Variants in ABCB11 observed in about 807,000 individuals in gnomAD.
The protein encoded by ABCB11 is ATP binding cassette subfamily B member 11.
A neutral mutation model predicts 148.0 loss-of-function variants in ABCB11; 95 were observed. The observed-to-expected ratio is 0.64, with a 90% CI of 0.54 to 0.76. ABCB11 has a LOEUF of 0.76. ABCB11 is among the 30% of genes least tolerant of loss of function. ABCB11 has a pLI of 0.00. For missense variants in ABCB11, 1,523 were observed against 1,617.8 expected (o/e 0.94, Z 1.01); for synonymous variants, 591 against 555.4 (o/e 1.06, Z -0.90).
At chr2:168,992,803 G>C (rs11887272) in intron 8 of ABCB11, among the ~76,000 whole-genome samples, 5,167 of 152,076 alleles carry the variant, frequency 0.034, 283 homozygotes, top group African/African-American at 0.11. Flanking sequence ...TTTTATCTGG[G>C]AAATGTTTGA....
chr2:169,009,437 A>G (rs993607522), intron 5 of ABCB11, among the ~76,000 whole-genome samples: 1 of 151,984 alleles, frequency 6.6e-6, no homozygotes, highest in Non-Finnish European at 1.5e-5. Context: ...AGGGACATGG[A>G]TGAAACTGGA....
chr2:168,930,838 A>C lies in ABCB11; in HGVS notation c.3238T>G (p.Phe1080Val). ...GGATATGTAAATTTACAATCAACAA[A>C]ATCAATCTTCCCCTGGAAGTTGTCC... is the stretch of plus-strand genomic sequence containing the variant. ...KWDNFQGKIDFVDCKFTYPSR... is the reference protein window; with the variant it reads ...KWDNFQGKIDVVDCKFTYPSR... The change falls in exon 25 of 28, where the codon TTT becomes GTT. Residue 1080 changes from phenylalanine to valine, a missense_variant. By Grantham distance (50) the Phe-to-Val change is conservative. Transcript: ENST00000650372. 1.9e-6 allele frequency: 3 copies of C among 1,605,632 alleles called. No individual in the cohort carries two copies. The highest frequency in any genetic ancestry group is 2.6e-6 in the Non-Finnish European group (3 of 1,176,072).
At chr2:168,949,039 G>A (rs1223598787) in intron 19 of ABCB11, among the ~76,000 whole-genome samples, 2 of 151,592 alleles carry the variant, frequency 1.3e-5, no homozygotes, top group East Asian at 3.9e-4. Context: ...AAATTCTATA[G>A]ACTAGGATTC....
Position 168,993,855 on chromosome 2 carries a change from T to C in ABCB11, c.639A>G (p.Ile213Met). The change falls in exon 8 of 28, where the codon ATA (isoleucine) becomes ATG (methionine). Residue 213 changes from isoleucine to methionine, a missense_variant. Coordinates refer to ENST00000650372, the MANE Select transcript of ABCB11 (RefSeq NM_003742.4). ...GAATGAAAAGGGCCATTTGGTCAGC[T>C]ATGGCATCATTGATTTTATTAATAT... The part of the protein sequence containing the change: ...SDDINKINDA[I>M]ADQMALFIQR... 6.2e-7 allele frequency: 1 copy of C among 1,609,620 alleles called. No individual in the cohort carries two copies. Among genetic ancestry groups the C allele is most frequent in the Non-Finnish European group, 8.5e-7 (1 of 1,177,982 alleles).
intron 18 of ABCB11, among the ~76,000 whole-genome samples, chr2:168,962,764 A>G (rs1693132367): frequency 1.3e-5 from 2 of 151,724 alleles, no homozygotes; most frequent in Admixed American, 1.3e-4. Flanking sequence ...CTGGGACAGC[A>G]CCATGGACTC....
rs545291096 is a variant in ABCB11 at position 168,955,500 on chromosome 2, C to T, written c.2343+2464G>A. Among the ~76,000 whole-genome samples, 40 of 151,696 alleles carry T rather than the reference C, an allele frequency of 2.6e-4. No individual in the cohort carries two copies. In the South Asian group the frequency reaches 7.5e-3, roughly 28 times the overall value. On this transcript the variant is annotated intron_variant, in intron 19 of 27. Transcript: ENST00000650372. Reference sequence around the variant, plus strand: ...ATCAGATTTTGTGAGAACTTACTCACTATTATGAGAACAGCAAGGGGGAAA... The same window carrying T: ...ATCAGATTTTGTGAGAACTTACTCATTATTATGAGAACAGCAAGGGGGAAA...
chr2:169,006,765 G>C (rs1235229311), intron 5 of ABCB11, among the ~76,000 whole-genome samples: 1 of 151,782 alleles, frequency 6.6e-6, no homozygotes, highest in Non-Finnish European at 1.5e-5. Context: ...AGTAGCAATG[G>C]GCAAACTGAA....
chr2:169,012,949 A>G (rs1485346588), intron 5 of ABCB11, among the ~76,000 whole-genome samples: 1 of 152,064 alleles, frequency 6.6e-6, no homozygotes, highest in African/African-American at 2.4e-5. Context: ...ATGATACTCA[A>G]GTAAAATTCA....
chr2:169,005,332 C>T (rs534238768), intron 5 of ABCB11, among the ~76,000 whole-genome samples: 15 of 152,074 alleles, frequency 9.9e-5, no homozygotes, highest in African/African-American at 3.1e-4. Context: ...CAGGGATAGG[C>T]GCCTCTGAGC....
chr2:169,013,719 T>C (rs958359609), intron 4 of ABCB11, among the ~76,000 whole-genome samples: 4 of 152,166 alleles, frequency 2.6e-5, no homozygotes, highest in Admixed American at 2.0e-4. Context: ...GACTCTTACA[T>C]TGTTAGATCA....
At chr2:168,953,452 C>CTTTTTTTTTTTTTTT (rs35351007) in intron 19 of ABCB11, among the ~76,000 whole-genome samples, 2 of 142,666 alleles carry the variant, frequency 1.4e-5, no homozygotes, top group African/African-American at 2.6e-5. Context: ...ATTATCTTGT[C>CTTTTTTTTTTTTTTT]TTTTTTTTTT....
At chr2:168,919,630 T>TAA (rs1464965849), downstream of ABCB11, among the ~76,000 whole-genome samples, 2 of 151,060 alleles carry the variant, frequency 1.3e-5, no homozygotes, top group African/African-American at 2.4e-5. Flanking sequence ...CCTTATTTTT[T>TAA]AAAAAAAAAG....
intron 9 of ABCB11, among the ~76,000 whole-genome samples, chr2:168,987,163 T>A (rs753494144): frequency 6.6e-6 from 1 of 152,004 alleles, no homozygotes; most frequent in Non-Finnish European, 1.5e-5. Context: ...AGGTTGTAAA[T>A]CCTATTCTCT....
Position 168,934,777 on chromosome 2 carries a change from T to C in ABCB11, c.3056+407A>G, listed in dbSNP as rs117779395. ...TTACTCCTCTCATCAAAAAGTGGAT[T>C]CTATTTTTTTCTATTCCTTAAACCT... On this transcript the variant is annotated intron_variant, in intron 23 of 27. Coordinates refer to ENST00000650372, the MANE Select transcript of ABCB11 (RefSeq NM_003742.4). Among the ~76,000 whole-genome samples, 668 of 152,332 alleles carry C rather than the reference T, an allele frequency of 4.4e-3. 8 individuals carry two copies. Among genetic ancestry groups the C allele is most frequent in the East Asian group, 0.015 (76 of 5,184 alleles).
intron 2 of ABCB11, 96 bp from the exon 3 acceptor site, chr2:169,016,895 T>C: frequency 3.4e-6 from 3 of 876,870 alleles, no homozygotes; most frequent in South Asian, 3.1e-5. Context: ...AATATTCCTA[T>C]AAATTACCTT....
At chr2:169,014,229 T>G in intron 4 of ABCB11, 74 bp downstream of exon 4, 14 of 1,413,932 alleles carry the variant, frequency 9.9e-6, no homozygotes, top group Non-Finnish European at 1.3e-5. Context: ...TGACTAAAGA[T>G]TTAACACTCC....
At chr2:168,977,370 T>C (rs1157993947) in intron 11 of ABCB11, among the ~76,000 whole-genome samples, 3 of 152,112 alleles carry the variant, frequency 2.0e-5, no homozygotes. Context: ...TTCTTTTGAG[T>C]ATCCATGGTA....
intron 7 of ABCB11, among the ~76,000 whole-genome samples, chr2:168,994,494 T>C (rs552631668): frequency 6.6e-6 from 1 of 152,172 alleles, no homozygotes; most frequent in East Asian, 1.9e-4. Context: ...TTCTTGTCTG[T>C]AAAATAAGAA....
At position 169,016,979 on chromosome 2, in the gene ABCB11, T is replaced by TACAC. The variant is rs71397686; in HGVS notation, c.77-184_77-181dup. Among the ~76,000 whole-genome samples, 15,005 of 137,926 alleles carry TACAC rather than the reference T, an allele frequency of 0.11. 1,000 individuals carry two copies. The highest frequency in any genetic ancestry group is 0.18 in the African/African-American group (6,544 of 36,618). The allele number at this position is 137,926 out of a possible 152,430, so 90.5% of individuals were successfully genotyped here. On this transcript the variant is annotated intron_variant, in intron 2 of 27. Coordinates refer to ENST00000650372, the MANE Select transcript of ABCB11 (RefSeq NM_003742.4). ...CTCATATTGTCTCTCTCTATCTTTC[T>TACAC]ACACACACACACACACACACACACA...
Sources: gnomAD v4.1 joint callset for allele counts (sites outside exome capture counted in the v4.1 genomes callset) on GRCh38, gnomAD v4.1.1 for gene constraint, MANE v1.5 for transcripts, NCBI Gene and HGNC (gene_info 2026-07-23, HGNC 2026-07-21) for gene names.